AFF4: variants seen among roughly 807,000 people sequenced by gnomAD.
The protein encoded by AFF4 is AF4/FMR2 family member 4.
In AFF4, 13 loss-of-function variants were observed where a neutral mutation model predicts 124.8. The observed-to-expected ratio is 0.10, with a 90% CI of 0.07 to 0.17. The LOEUF (loss-of-function observed/expected upper bound fraction) is 0.17. Ranked by LOEUF, AFF4 falls within the 10% of genes least tolerant of loss-of-function variation. The pLI, the probability that AFF4 is intolerant of heterozygous loss-of-function variation, is 1.00. For missense variants in AFF4, 1,092 were observed against 1,403.8 expected (o/e 0.78, Z 3.55); for synonymous variants, 477 against 496.1 (o/e 0.96, Z 0.51).
chr5:132,962,105 C>CTTTA (rs1309125796), intron 1 of AFF4, among the ~76,000 whole-genome samples: 3 of 152,190 alleles, frequency 2.0e-5, no homozygotes, highest in Non-Finnish European at 2.9e-5. Flanking sequence ...CACAAAGGCT[C>CTTTA]TTTATCAAAT....
Position 132,889,117 on chromosome 5 carries a change from A to C in AFF4, c.2694T>G (p.Ser898=). The C allele has an allele frequency of 6.2e-7, 1 of 1,614,172 alleles. No individual in the cohort carries two copies. Among genetic ancestry groups the C allele is most frequent in the South Asian group, 1.1e-5 (1 of 91,084 alleles). Residue 898 remains serine (S), a synonymous_variant, in exon 14 of 21, where the codon TCT becomes TCG. Coordinates refer to ENST00000265343, the MANE Select transcript of AFF4 (RefSeq NM_014423.4). ...CAAGCTTTGTTCTCCGAGGCTTAGAAGAATCAAGAGTTGGTGCAGATGGAG... is the reference window on the plus strand; with the variant it reads ...CAAGCTTTGTTCTCCGAGGCTTAGACGAATCAAGAGTTGGTGCAGATGGAG... ...NCPPSAPTLD[S]SKPRRTKLVF...
Position 132,880,973 on chromosome 5 carries a change from G to A in AFF4, c.*86C>T, listed in dbSNP as rs1186218452. On this transcript the variant is annotated 3_prime_UTR_variant, in exon 21 of 21. Coordinates refer to ENST00000265343, the MANE Select transcript of AFF4 (RefSeq NM_014423.4). ...AAAACTATTCCTCATTCTTAGTGTC[G>A]ACTAGGTGGTATGTTATGGCAGTTT... The A allele has an allele frequency of 6.7e-6, 10 of 1,493,050 alleles. No homozygotes were observed. Among genetic ancestry groups the A allele is most frequent in the East Asian group, 2.4e-5 (1 of 42,392 alleles). The allele number at this position is 1,493,050 out of a possible 1,614,324, so 92.5% of individuals were successfully genotyped here.
At chr5:132,901,073 G>GA (rs1561487009) in intron 7 of AFF4, 2 of 985,208 alleles carry the variant, frequency 2.0e-6, no homozygotes, top group African/African-American at 1.7e-5. Flanking sequence ...ACAGAACAGG[G>GA]AAAAAAGAGT....
At position 132,877,483 on chromosome 5, in the gene AFF4, C is replaced by T. The variant is rs996082331; in HGVS notation, c.*3576G>A. ...AGTTGCACTAAGCTAAAATACTAAA[C>T]ACACACATATTTGACAAACTAATTT... On this transcript the variant is annotated 3_prime_UTR_variant, in exon 21 of 21. Coordinates refer to ENST00000265343, the MANE Select transcript of AFF4 (RefSeq NM_014423.4). The T allele has an allele frequency of 2.3e-5, 5 of 213,922 alleles. No individual in the cohort carries two copies. Among genetic ancestry groups the T allele is most frequent in the African/African-American group, 9.0e-5 (4 of 44,216 alleles). The allele number at this position is 213,922 out of a possible 1,614,324, so 13.3% of individuals were successfully genotyped here. A position where few individuals can be genotyped will look rare whatever the true frequency, so the allele number is the denominator to read the frequency against.
chr5:132,934,030 C>G, intron 3 of AFF4, 117 bp downstream of exon 3: 3 of 1,213,440 alleles, frequency 2.5e-6, no homozygotes, highest in Non-Finnish European at 3.4e-6. Flanking sequence ...CATCTTTCAA[C>G]TTTTACATTC....
At chr5:132,917,716 T>TC (rs1760946525) in intron 5 of AFF4, among the ~76,000 whole-genome samples, 1 of 136,338 alleles carries the variant, frequency 7.3e-6, no homozygotes, top group Non-Finnish European at 1.6e-5. Flanking sequence ...TTTTTTTTTT[T>TC]TTTTTTTTTT....
At chr5:132,904,143 G>C (rs1432267842) in intron 6 of AFF4, 1 of 448,650 alleles carries the variant, frequency 2.2e-6, no homozygotes, top group Admixed American at 4.2e-5. Context: ...CACAGTCCCA[G>C]CTACTCAGTA....
At chr5:132,932,132 C>G (rs1270559360) in intron 4 of AFF4, 46 bp downstream of exon 4, 2 of 1,421,580 alleles carry the variant, frequency 1.4e-6, no homozygotes, top group Non-Finnish European at 1.9e-6. Context: ...GGTGGCAGAG[C>G]ATAAAAAATT....
intron 1 of AFF4, among the ~76,000 whole-genome samples, chr5:132,941,661 C>T (rs913950930): frequency 6.6e-6 from 1 of 152,108 alleles, no homozygotes; most frequent in Non-Finnish European, 1.5e-5. Context: ...TCACACAATA[C>T]TCTCACAACA....
chr5:132,883,422 G>A lies in AFF4; in HGVS notation c.3282C>T (p.Ala1094=). 6.2e-7 allele frequency: 1 copy of A among 1,614,072 alleles called. No individual in the cohort carries two copies. The highest frequency in any genetic ancestry group is 8.5e-7 in the Non-Finnish European group (1 of 1,180,022). ...AGTTGGATGTGACCTGAACATAGCTGGCTGCCATCTGGTGGATCTTCTGTG... is the reference window on the plus strand; with the variant it reads ...AGTTGGATGTGACCTGAACATAGCTAGCTGCCATCTGGTGGATCTTCTGTG... ...TIPQKIHQMA[A]SYVQVTSNFL... Residue 1094 remains alanine, a synonymous_variant, in exon 20 of 21, where the codon GCC becomes GCT. Transcript: ENST00000265343.
chr5:132,956,696 T>TA (rs1035996998), intron 1 of AFF4, among the ~76,000 whole-genome samples: 13 of 149,432 alleles, frequency 8.7e-5, no homozygotes, highest in Non-Finnish European at 1.5e-4. Flanking sequence ...ATTGACTTGC[T>TA]AAAAAAAATG....
chr5:132,922,509 C>CAG (rs1426803532), intron 5 of AFF4, among the ~76,000 whole-genome samples: 1 of 152,128 alleles, frequency 6.6e-6, no homozygotes, highest in Non-Finnish European at 1.5e-5. Context: ...AGGTTGGGCT[C>CAG]AGTGGTTCAT....
intron 1 of AFF4, among the ~76,000 whole-genome samples, chr5:132,939,204 G>A (rs1430453123): frequency 1.5e-5 from 2 of 129,466 alleles, no homozygotes; most frequent in African/African-American, 3.0e-5. Flanking sequence ...GAGACAGAAC[G>A]AGACCCTTTC....
In AFF4 at chr5:132,877,245, A is replaced by G. The variant is rs1759860130; in HGVS notation, c.*3814T>C. 1 of 209,342 alleles carries G rather than the reference A, an allele frequency of 4.8e-6. No homozygotes were observed. Among genetic ancestry groups the G allele is most frequent in the South Asian group, 1.9e-4 (1 of 5,344 alleles). 13.0% of individuals were successfully genotyped at this position (209,342 alleles called of 1,614,324 possible). A position where few individuals can be genotyped will look rare whatever the true frequency, so the allele number is the denominator to read the frequency against. ...AATATATAATGAGGCCATACTGTTC[A>G]ATTAGCAACTGGAAAATTAAAATCT... is the stretch of plus-strand genomic sequence containing the variant. On this transcript the variant is annotated 3_prime_UTR_variant, in exon 21 of 21. Coordinates refer to ENST00000265343, the MANE Select transcript of AFF4 (RefSeq NM_014423.4).
chr5:132,931,218 C>G (rs55819446), intron 4 of AFF4, among the ~76,000 whole-genome samples: 1 of 151,644 alleles, frequency 6.6e-6, no homozygotes, highest in South Asian at 2.1e-4. Context: ...AACTGGAGGT[C>G]AGAAGTTCAA....
At chr5:132,902,520 G>T (rs1390814169) in intron 6 of AFF4, 33 bp from the exon 7 acceptor site, 2 of 1,506,700 alleles carry the variant, frequency 1.3e-6, no homozygotes, top group Non-Finnish European at 1.8e-6. Context: ...AGCAACTAAA[G>T]GATGGCTATT....
chr5:132,918,275 C>T (rs1017210288), intron 5 of AFF4, among the ~76,000 whole-genome samples: 2 of 151,970 alleles, frequency 1.3e-5, no homozygotes, highest in Non-Finnish European at 2.9e-5. Context: ...GGTCTGTAAT[C>T]CCACCTACTT....
chr5:132,910,720 T>G (rs571916630), intron 5 of AFF4, among the ~76,000 whole-genome samples: 9 of 152,326 alleles, frequency 5.9e-5, no homozygotes, highest in African/African-American at 2.2e-4. Flanking sequence ...CTTGAGTATA[T>G]ACATCCAAAT....
chr5:132,920,863 C>T (rs1002118257), intron 5 of AFF4, among the ~76,000 whole-genome samples: 5 of 152,072 alleles, frequency 3.3e-5, no homozygotes, highest in Non-Finnish European at 7.4e-5. Flanking sequence ...CGCAGTGGCT[C>T]ACGCCTATAA....
Sources: gnomAD v4.1 joint callset for allele counts (sites outside exome capture counted in the v4.1 genomes callset) on GRCh38, gnomAD v4.1.1 for gene constraint, MANE v1.5 for transcripts, NCBI Gene and HGNC (gene_info 2026-07-23, HGNC 2026-07-21) for gene names.